KDM3A: variants seen among roughly 807,000 people sequenced by gnomAD.
The protein encoded by KDM3A is lysine demethylase 3A, also known as lysine-specific demethylase 3A.
Under a neutral mutation model 158.0 loss-of-function variants are expected in KDM3A, and 60 were observed. The ratio of observed to expected loss-of-function variants is 0.38; its 90% CI spans 0.31 to 0.47. The LOEUF is 0.47. Ranked by LOEUF, KDM3A falls within the 20% of genes least tolerant of loss-of-function variation. The pLI is 0.99. For missense variants in KDM3A, 1,319 were observed against 1,574.3 expected, an observed-to-expected ratio of 0.84 and a Z score of 2.74; for synonymous variants, 608 against 549.3, an observed-to-expected ratio of 1.11 and a Z score of -1.49.
chr2:86,460,238 T>C (rs1672871977), intron 8 of KDM3A, among the ~76,000 whole-genome samples: 1 of 152,192 alleles, frequency 6.6e-6, no homozygotes, highest in African/African-American at 2.4e-5. Context: ...GTTAGTTTTT[T>C]AAAACTAAAA....
intron 21 of KDM3A, chr2:86,488,000 C>T (rs1348429554): frequency 6.6e-6 from 1 of 152,196 alleles, no homozygotes; most frequent in Non-Finnish European, 1.5e-5. Flanking sequence ...CCATCCTCTT[C>T]CTATTGCCCT....
chr2:86,474,850 T>C lies in KDM3A; in HGVS notation c.1799T>C (p.Ile600Thr), dbSNP rs148315398. The C allele has an allele frequency of 2.5e-6, 4 of 1,613,796 alleles. No homozygotes were observed. In the African/African-American group the frequency reaches 4.0e-5, roughly 16 times the overall value. Reference sequence around the variant, plus strand: ...CCAAACAAGTATGACAATGAAGCAATTGGCTTGTGGTTACCTTTAACCAAA... The same window carrying C: ...CCAAACAAGTATGACAATGAAGCAACTGGCTTGTGGTTACCTTTAACCAAA... ...LTPNKYDNEA[I>T]GLWLPLTKNV... is the part of the protein sequence containing the mutation. The change falls in exon 12 of 26, where the codon ATT becomes ACT. Residue 600 changes from isoleucine (I) to threonine (T), a missense_variant. Transcript: ENST00000312912.
intron 12 of KDM3A, among the ~76,000 whole-genome samples, chr2:86,477,002 A>C (rs990994719): frequency 6.6e-6 from 1 of 152,194 alleles, no homozygotes; most frequent in African/African-American, 2.4e-5. Context: ...TCTGTGACCC[A>C]CAGAAATGTC....
At chr2:86,450,652 T>C (rs1672418406) in intron 3 of KDM3A, among the ~76,000 whole-genome samples, 2 of 152,226 alleles carry the variant, frequency 1.3e-5, no homozygotes, top group South Asian at 4.1e-4. Context: ...GGGAGAATGG[T>C]TGAAGGCTGA....
chr2:86,474,701 TTG>T (rs369518183), intron 11 of KDM3A, 73 bp from the exon 12 acceptor site: 5,820 of 428,578 alleles, frequency 0.014, 104 homozygotes, highest in African/African-American at 0.079. Flanking sequence ...TGTAAATAAG[TTG>T]TGTGTGTGTG....
chr2:86,443,019 G>C (rs541509081), intron 2 of KDM3A, among the ~76,000 whole-genome samples: 1 of 152,088 alleles, frequency 6.6e-6, no homozygotes, highest in Non-Finnish European at 1.5e-5. Flanking sequence ...AATTCTGATT[G>C]TGCTCCCTAA....
At chr2:86,440,788 G>A (rs1006587671), upstream of KDM3A, 1 of 152,258 alleles carries the variant, frequency 6.6e-6, no homozygotes, top group African/African-American at 2.4e-5. Flanking sequence ...GCCTGCGCAC[G>A]AGCCTCCAGA....
chr2:86,465,039 T>C (rs1008507336), intron 9 of KDM3A, among the ~76,000 whole-genome samples: 3 of 152,200 alleles, frequency 2.0e-5, no homozygotes, highest in African/African-American at 4.8e-5. Context: ...TTCAGTGATA[T>C]CCAAGGAAAG....
chr2:86,484,770 G>A (rs572198089), intron 19 of KDM3A, 172 bp from the exon 20 acceptor site: 18 of 530,194 alleles, frequency 3.4e-5, no homozygotes, highest in Non-Finnish European at 6.1e-5. Flanking sequence ...ATAGTTGGTA[G>A]GAGGGGAAAA....
rs1384081511 is a variant in KDM3A at position 86,477,861 on chromosome 2, T to C, written c.1940-16T>C. The C allele has an allele frequency of 6.3e-7, 1 of 1,585,016 alleles. No homozygotes were observed. The highest frequency in any genetic ancestry group is 1.3e-5 in the African/African-American group (1 of 74,120). Reference sequence around the variant, plus strand: ...CCTCTCCTTCCAAAGACTAAGTGATTTACTGATTTTTGCAGGACAGGTTGC... The same window carrying C: ...CCTCTCCTTCCAAAGACTAAGTGATCTACTGATTTTTGCAGGACAGGTTGC... On this transcript the variant is annotated splice_polypyrimidine_tract_variant and intron_variant, in intron 12 of 25. Coordinates refer to ENST00000312912, the MANE Select transcript of KDM3A (RefSeq NM_018433.6).
At chr2:86,461,474 C>A (rs1672927744) in intron 8 of KDM3A, among the ~76,000 whole-genome samples, 1 of 152,098 alleles carries the variant, frequency 6.6e-6, no homozygotes, top group African/African-American at 2.4e-5. Context: ...TATGTTCATT[C>A]CACCAGTCTT....
chr2:86,478,887 G>A, intron 15 of KDM3A, 152 bp downstream of exon 15: 2 of 712,788 alleles, frequency 2.8e-6, no homozygotes, highest in Admixed American at 2.9e-5. Context: ...TACAGTTCAT[G>A]TGACAGTTCA....
intron 2 of KDM3A, among the ~76,000 whole-genome samples, chr2:86,448,688 G>T (rs1683048846): frequency 6.6e-6 from 1 of 152,144 alleles, no homozygotes; most frequent in South Asian, 2.1e-4. Context: ...GTTGAAAAGG[G>T]ATGTATGAGT....
intron 2 of KDM3A, among the ~76,000 whole-genome samples, chr2:86,447,708 A>C (rs925725148): frequency 1.3e-5 from 2 of 152,322 alleles, no homozygotes; most frequent in South Asian, 4.1e-4. Flanking sequence ...GAGGGTTCTT[A>C]ACCTGGGGTG....
intron 11 of KDM3A, among the ~76,000 whole-genome samples, chr2:86,471,313 A>G (rs1673394626): frequency 6.6e-6 from 1 of 151,214 alleles, no homozygotes; most frequent in Admixed American, 6.6e-5. Context: ...ATGTGTATAT[A>G]TGTGTATATG....
At chr2:86,472,535 TTATGACTATC>T (rs1447630289) in intron 11 of KDM3A, among the ~76,000 whole-genome samples, 1 of 152,166 alleles carries the variant, frequency 6.6e-6, no homozygotes, top group African/African-American at 2.4e-5. Context: ...TTTTTTTGTG[TTATGACTATC>T]TCTAATTTGG....
intron 11 of KDM3A, 48 bp from the exon 12 acceptor site, chr2:86,474,728 T>C: frequency 1.2e-6 from 1 of 843,164 alleles, no homozygotes; most frequent in Non-Finnish European, 2.0e-6. Flanking sequence ...TGTGTGTGTG[T>C]GTGTGTGTGT....
rs376168910 is a variant in KDM3A at position 86,470,152 on chromosome 2, T to C, written c.1520-52T>C. 93 of 1,442,032 alleles carry C rather than the reference T, an allele frequency of 6.4e-5. No individual in the cohort carries two copies. In the African/African-American group the frequency reaches 1.1e-3, roughly 18 times the overall value. The allele number at this position is 1,442,032 out of a possible 1,614,324, so 89.3% of individuals were successfully genotyped here. A position where few individuals can be genotyped will look rare whatever the true frequency, so the allele number is the denominator to read the frequency against. The stretch of plus-strand genomic sequence containing the variant: ...TGAATAGAATTCAGTCATATATGAA[T>C]GTGATTTTTAAAAATTTGAGGTCCT... On this transcript the variant is annotated intron_variant, in intron 10 of 25. Coordinates refer to ENST00000312912, the MANE Select transcript of KDM3A (RefSeq NM_018433.6).
intron 4 of KDM3A, among the ~76,000 whole-genome samples, chr2:86,454,615 T>TA (rs1006514765): frequency 3.3e-4 from 49 of 148,622 alleles, no homozygotes; most frequent in South Asian, 1.3e-3. Flanking sequence ...TTATATAAAA[T>TA]AAAAAAAAAA....
Sources: gnomAD v4.1 joint callset for allele counts (sites outside exome capture counted in the v4.1 genomes callset) on GRCh38, gnomAD v4.1.1 for gene constraint, MANE v1.5 for transcripts, NCBI Gene and HGNC (gene_info 2026-07-23, HGNC 2026-07-21) for gene names.